ZNF521: variants seen among roughly 807,000 people sequenced by gnomAD.
ZNF521 encodes LYST-interacting protein 3.
In ZNF521, 14 loss-of-function variants were observed where a neutral mutation model predicts 105.5. The observed-to-expected ratio is 0.13, with a 90% CI of 0.09 to 0.21. The LOEUF (loss-of-function observed/expected upper bound fraction) is 0.21, where lower values mean the gene tolerates loss of function less well. Ranked by LOEUF, ZNF521 falls within the 10% of genes least tolerant of loss-of-function variation. The pLI, the probability that ZNF521 is intolerant of heterozygous loss-of-function variation, is 1.00. For synonymous variants in ZNF521, 635 were observed against 606.0 expected, an observed-to-expected ratio of 1.05 and a Z score of -0.70; for missense variants, 1,233 against 1,629.7, an observed-to-expected ratio of 0.76 and a Z score of 4.19.
At chr18:25,256,821 A>G (rs1270644603) in intron 3 of ZNF521, among the ~76,000 whole-genome samples, 1 of 152,044 alleles carries the variant, frequency 6.6e-6, no homozygotes, top group Non-Finnish European at 1.5e-5. Flanking sequence ...AAAACATTAA[A>G]ACTGAGTTCA....
In ZNF521 at chr18:25,100,092, CT is replaced by C. The variant is rs1340389796; in HGVS notation, c.3659-8012del. Among the ~76,000 whole-genome samples, 1,113 of 139,680 alleles carry C rather than the reference CT, an allele frequency of 8.0e-3. 6 individuals carry two copies. Among genetic ancestry groups the C allele is most frequent in the South Asian group, 0.044 (192 of 4,330 alleles). 91.6% of individuals were successfully genotyped at this position (139,680 alleles called of 152,430 possible). On this transcript the variant is annotated intron_variant, in intron 5 of 7. Coordinates refer to ENST00000361524, the MANE Select transcript of ZNF521 (RefSeq NM_015461.3). ...GGGCCTTTTCTTTTTTTCTTTCTTT[CT>C]TTTTTTTTTTTTTTAATCTTCTTCT...
intron 3 of ZNF521, among the ~76,000 whole-genome samples, chr18:25,243,410 C>T (rs1455179166): frequency 2.6e-5 from 4 of 152,176 alleles, no homozygotes; most frequent in Non-Finnish European, 5.9e-5. Context: ...GCCACTGACA[C>T]TTTGCCACAA....
intron 5 of ZNF521, among the ~76,000 whole-genome samples, chr18:25,173,149 A>T (rs557565698): frequency 1.3e-5 from 2 of 152,376 alleles, no homozygotes; most frequent in East Asian, 3.9e-4. Context: ...TGTGGGACAC[A>T]TATTCAATTT....
At chr18:25,207,015 A>ACCCCTTG (rs2036092911) in intron 4 of ZNF521, among the ~76,000 whole-genome samples, 1 of 152,160 alleles carries the variant, frequency 6.6e-6, no homozygotes, top group Non-Finnish European at 1.5e-5. Flanking sequence ...GATTTAACTA[A>ACCCCTTG]AATTATCTAG....
rs193261105 is a variant in ZNF521 at position 25,148,318 on chromosome 18, C to G, written c.3658+46842G>C. ...TAGTTATCCTGATTGAGTATAGATA[C>G]GAGGCTCACCAGAGGATGGATATTC... On this transcript the variant is annotated intron_variant, in intron 5 of 7. Transcript: ENST00000361524. 1.4e-4 allele frequency among the ~76,000 whole-genome samples: 21 copies of G among 152,178 alleles called. No homozygotes were observed. In the East Asian group the frequency reaches 3.5e-3, roughly 25 times the overall value.
Position 25,180,308 on chromosome 18 carries a change from T to C in ZNF521, c.3658+14852A>G, listed in dbSNP as rs185289068. 1.9e-3 allele frequency among the ~76,000 whole-genome samples: 293 copies of C among 152,322 alleles called. 3 individuals carry two copies. The highest frequency in any genetic ancestry group is 6.9e-3 in the African/African-American group (288 of 41,578). On this transcript the variant is annotated intron_variant, in intron 5 of 7. Coordinates refer to ENST00000361524, the MANE Select transcript of ZNF521 (RefSeq NM_015461.3). ...ACATAGAATGCAATATTATACATAC[T>C]ATTCCCAGGTTTCCAACATCACATT... is the stretch of plus-strand genomic sequence containing the variant.
At chr18:25,173,012 C>T (rs1389874976) in intron 5 of ZNF521, among the ~76,000 whole-genome samples, 1 of 152,200 alleles carries the variant, frequency 6.6e-6, no homozygotes, top group South Asian at 2.1e-4. Flanking sequence ...AGTACGCAAA[C>T]GGTTTTACAA....
At chr18:25,212,346 C>T (rs147570946) in intron 4 of ZNF521, among the ~76,000 whole-genome samples, 3,696 of 150,126 alleles carry the variant, frequency 0.025, 157 homozygotes, top group African/African-American at 0.085. Context: ...CCTGTCTCTA[C>T]TAAAAATACA....
In ZNF521 at chr18:25,225,622, C is replaced by G; in HGVS notation, c.2296G>C (p.Asp766His). 2 of 1,614,182 alleles carry G rather than the reference C, an allele frequency of 1.2e-6. No individual in the cohort carries two copies. Among genetic ancestry groups the G allele is most frequent in the Non-Finnish European group, 1.7e-6 (2 of 1,180,038 alleles). The change falls in exon 4 of 8, where the codon GAC becomes CAC. Residue 766 changes from aspartate (D) to histidine (H), a missense_variant. Asp to His is a moderately conservative substitution (Grantham distance 81). Around this residue, in one of 6 missense-constraint regions of ZNF521, gnomAD observed 614 missense variants for 751.5 expected, o/e 0.82. Coordinates refer to ENST00000361524, the MANE Select transcript of ZNF521 (RefSeq NM_015461.3). This position sits in a 1 kb window ranked among gnomAD's most constrained non-coding sequence, Gnocchi z 5.6. ...SCNWDFRNET[D>H]LQLHVKHNHL... ...TTGTGTTTCACATGGAGCTGCAAGTCAGTTTCGTTGCGGAAGTCCCAGTTG... is the reference window on the plus strand; with the variant it reads ...TTGTGTTTCACATGGAGCTGCAAGTGAGTTTCGTTGCGGAAGTCCCAGTTG...
At chr18:25,296,356 A>G (rs1911318042) in intron 3 of ZNF521, among the ~76,000 whole-genome samples, 1 of 152,170 alleles carries the variant, frequency 6.6e-6, no homozygotes, top group Non-Finnish European at 1.5e-5. Context: ...CCTTCTATCT[A>G]GAGATACTTT....
intron 7 of ZNF521, among the ~76,000 whole-genome samples, chr18:25,085,653 A>ATATGTGTG (rs1491212238): frequency 6.9e-6 from 1 of 144,258 alleles, no homozygotes; most frequent in Non-Finnish European, 1.5e-5. Flanking sequence ...CCATATATAT[A>ATATGTGTG]TGTGTGTGTG....
intron 3 of ZNF521, among the ~76,000 whole-genome samples, chr18:25,239,894 G>T (rs1039493048): frequency 6.6e-6 from 1 of 151,818 alleles, no homozygotes; most frequent in Non-Finnish European, 1.5e-5. Context: ...CTACCAGGGG[G>T]TATTTTGCAG....
At chr18:25,327,144 T>C (rs1324398106) in intron 2 of ZNF521, among the ~76,000 whole-genome samples, 6 of 152,046 alleles carry the variant, frequency 3.9e-5, no homozygotes, top group African/African-American at 1.2e-4. Flanking sequence ...CTAGTAAAAA[T>C]AGAGGGTTTT....
chr18:25,308,675 C>T (rs1283796486), intron 3 of ZNF521, among the ~76,000 whole-genome samples: 1 of 150,492 alleles, frequency 6.6e-6, no homozygotes, highest in East Asian at 2.0e-4. Context: ...CGCCACAGCC[C>T]CTCCAAAATT....
intron 2 of ZNF521, among the ~76,000 whole-genome samples, chr18:25,324,650 T>A (rs4380121): frequency 0.085 from 12,895 of 152,268 alleles, 687 homozygotes; most frequent in Middle Eastern, 0.17. Context: ...TTAGGTCTGA[T>A]TTTTAATATG....
chr18:25,235,229 A>G (rs1397461716), intron 3 of ZNF521, among the ~76,000 whole-genome samples: 1 of 152,230 alleles, frequency 6.6e-6, no homozygotes, highest in African/African-American at 2.4e-5. Flanking sequence ...CTTGAGGCCA[A>G]TTCTATTTCA....
chr18:25,277,467 A>G (rs1910109789), intron 3 of ZNF521, among the ~76,000 whole-genome samples: 1 of 152,324 alleles, frequency 6.6e-6, no homozygotes, highest in Middle Eastern at 3.4e-3. Flanking sequence ...TTTAAGTTAA[A>G]GATCAGTAGC....
intron 4 of ZNF521, among the ~76,000 whole-genome samples, chr18:25,213,716 T>C (rs1399912746): frequency 6.6e-6 from 1 of 152,128 alleles, no homozygotes; most frequent in Non-Finnish European, 1.5e-5. Context: ...TATGTGTATG[T>C]TTAGGGCGAC....
intron 4 of ZNF521, among the ~76,000 whole-genome samples, chr18:25,213,917 C>G (rs1003371666): frequency 6.6e-6 from 1 of 151,960 alleles, no homozygotes; most frequent in African/African-American, 2.4e-5. Flanking sequence ...TAAAGTTACT[C>G]ATAGTATTAT....
Sources: allele counts gnomAD v4.1 joint callset (sites outside exome capture counted in the v4.1 genomes callset), GRCh38; gene constraint gnomAD v4.1.1; regional missense constraint gnomAD v4.1.1; non-coding constraint Gnocchi (gnomAD v3.1); transcripts MANE v1.5; gene names NCBI Gene and HGNC (gene_info 2026-07-23, HGNC 2026-07-21).